SUFU: variants seen among roughly 807,000 people sequenced by gnomAD.
SUFU encodes the protein SUFU negative regulator of hedgehog signaling.
In SUFU, 7 loss-of-function variants were observed where a neutral mutation model predicts 58.9. The ratio of observed to expected loss-of-function variants is 0.12; its 90% CI spans 0.07 to 0.22. The LOEUF (loss-of-function observed/expected upper bound fraction) is 0.22. Ranked by LOEUF, SUFU falls within the 10% of genes least tolerant of loss-of-function variation. The probability of loss-of-function intolerance (pLI) is 1.00; values close to 1 mark genes in which losing one functional copy is unlikely to be tolerated. For missense variants in SUFU, 451 were observed against 641.3 expected, an observed-to-expected ratio of 0.70 and a Z score of 3.20; for synonymous variants, 232 against 254.8, an observed-to-expected ratio of 0.91 and a Z score of 0.85.
At chr10:102,603,417 G>C (rs1471459028) in intron 8 of SUFU, among the ~76,000 whole-genome samples, 2 of 152,162 alleles carry the variant, frequency 1.3e-5, no homozygotes, top group Non-Finnish European at 2.9e-5. Flanking sequence ...TACCACCTGA[G>C]GCTGGGAACT....
In SUFU at chr10:102,631,187, T is replaced by C. The variant is rs2063834268; in HGVS notation, c.*1032T>C. The C allele has an allele frequency of 1.3e-5, 3 of 233,474 alleles. No individual in the cohort carries two copies. Among genetic ancestry groups the C allele is most frequent in the Non-Finnish European group, 1.7e-5 (2 of 118,176 alleles). 14.5% of individuals were successfully genotyped at this position (233,474 alleles called of 1,614,324 possible). Reference sequence around the variant, plus strand: ...CCTGGGCCTCCCAGCCTTCAGGCTGTAGGGCTGCCTTACTAAAATTGAAAA... The same window carrying C: ...CCTGGGCCTCCCAGCCTTCAGGCTGCAGGGCTGCCTTACTAAAATTGAAAA... On this transcript the variant is annotated 3_prime_UTR_variant, in exon 12 of 12. Transcript: ENST00000369902.
intron 6 of SUFU, 107 bp from the exon 7 acceptor site, chr10:102,597,033 C>A: frequency 7.4e-7 from 1 of 1,350,148 alleles, no homozygotes; most frequent in Non-Finnish European, 1.1e-6. Flanking sequence ...CCATGCTCAG[C>A]ACCACAAGGG....
upstream of SUFU, among the ~76,000 whole-genome samples, chr10:102,503,078 C>G (rs1240209460): frequency 6.6e-6 from 1 of 152,136 alleles, no homozygotes; most frequent in Non-Finnish European, 1.5e-5. Context: ...CCCTGCCACT[C>G]CCCCCGACGT....
At chr10:102,603,759 T>A (rs2063536953) in intron 8 of SUFU, among the ~76,000 whole-genome samples, 2 of 152,202 alleles carry the variant, frequency 1.3e-5, no homozygotes. Context: ...TCTCTACTCT[T>A]AGGAGTGTCT....
At chr10:102,591,531 C>A (rs1042221845) in intron 3 of SUFU, 12 of 150,554 alleles carry the variant, frequency 8.0e-5, no homozygotes, top group Admixed American at 8.0e-4. Flanking sequence ...CTCGTGCTCA[C>A]TTCAGCAGCA....
At chr10:102,514,228 T>C (rs2062437388) in intron 2 of SUFU, among the ~76,000 whole-genome samples, 1 of 152,140 alleles carries the variant, frequency 6.6e-6, no homozygotes, top group Admixed American at 6.6e-5. Context: ...CCTCCTATTA[T>C]GATCTTTCCT....
rs1441691192 is a variant in SUFU at position 102,625,718 on chromosome 10, G to A, written c.1297-1457G>A. 6.6e-6 allele frequency among the ~76,000 whole-genome samples: 1 copy of A among 152,212 alleles called. No individual in the cohort carries two copies. Among genetic ancestry groups the A allele is most frequent in the Non-Finnish European group, 1.5e-5 (1 of 68,034 alleles). ...AAGGAGACATGGAGATGAGCAGTTAGCATGCCCGGTATGATGGCGGCTTTT... is the reference window on the plus strand; with the variant it reads ...AAGGAGACATGGAGATGAGCAGTTAACATGCCCGGTATGATGGCGGCTTTT... On this transcript the variant is annotated intron_variant, in intron 10 of 11. Transcript: ENST00000369902. The surrounding 1 kb of genome is among the most constrained non-coding windows in gnomAD (Gnocchi z 4.7).
chr10:102,528,748 A>G (rs2062641273), intron 2 of SUFU, among the ~76,000 whole-genome samples: 1 of 152,110 alleles, frequency 6.6e-6, no homozygotes, highest in Admixed American at 6.5e-5. Flanking sequence ...TGCTGTGGGA[A>G]CATGGTCTTT....
chr10:102,541,906 A>G (rs1590010935), intron 2 of SUFU, among the ~76,000 whole-genome samples: 2 of 114,358 alleles, frequency 1.7e-5, no homozygotes, highest in Admixed American at 1.0e-4. Flanking sequence ...TTTGAGACAG[A>G]GTTTCGCTCT....
At chr10:102,549,836 A>C in intron 2 of SUFU, 134 bp from the exon 3 acceptor site, 2 of 1,182,136 alleles carry the variant, frequency 1.7e-6, no homozygotes, top group Non-Finnish European at 2.5e-6. Flanking sequence ...CAAGGCTCAC[A>C]TCCTGGGATA....
chr10:102,504,408 G>A, intron 1 of SUFU, 74 bp downstream of exon 1: 1 of 1,582,950 alleles, frequency 6.3e-7, no homozygotes, highest in Non-Finnish European at 8.6e-7. Flanking sequence ...GAAGTAATTT[G>A]TGGGAGGTGG....
intron 8 of SUFU, among the ~76,000 whole-genome samples, chr10:102,607,060 A>T (rs1290330017): frequency 2.1e-5 from 3 of 143,928 alleles, no homozygotes; most frequent in African/African-American, 5.2e-5. Flanking sequence ...GGTAAGAGTA[A>T]TTTTTTTTTT....
At chr10:102,551,586 C>G (rs2062915645) in intron 3 of SUFU, among the ~76,000 whole-genome samples, 1 of 150,330 alleles carries the variant, frequency 6.7e-6, no homozygotes, top group Non-Finnish European at 1.5e-5. Flanking sequence ...TACTGTGAGC[C>G]AAGATCGCAC....
chr10:102,521,231 C>T (rs780011660), intron 2 of SUFU, among the ~76,000 whole-genome samples: 5 of 152,116 alleles, frequency 3.3e-5, no homozygotes, highest in Non-Finnish European at 7.3e-5. Flanking sequence ...TGCTGTTGAG[C>T]GTCTTTTCAT....
At chr10:102,502,973 C>T (rs1260129949), upstream of SUFU, among the ~76,000 whole-genome samples, 1 of 152,174 alleles carries the variant, frequency 6.6e-6, no homozygotes, top group East Asian at 1.9e-4. Flanking sequence ...AAGGAGTTCG[C>T]AGTGCATGCT....
chr10:102,573,037 C>G, intron 3 of SUFU: 1 of 926,384 alleles, frequency 1.1e-6, no homozygotes, highest in Non-Finnish European at 1.8e-6. Context: ...CGGGGTTGGT[C>G]TTCTGAGGGT....
At chr10:102,508,318 CTT>C (rs1564656633) in intron 1 of SUFU, among the ~76,000 whole-genome samples, 2 of 152,090 alleles carry the variant, frequency 1.3e-5, no homozygotes, top group Non-Finnish European at 2.9e-5. Flanking sequence ...AAAGGGAACT[CTT>C]ATTGTATTAA....
intron 2 of SUFU, among the ~76,000 whole-genome samples, chr10:102,539,714 A>G (rs1224568921): frequency 6.6e-6 from 1 of 152,154 alleles, no homozygotes; most frequent in Non-Finnish European, 1.5e-5. Context: ...CTCCATATTT[A>G]CTTACTTATT....
At chr10:102,524,576 C>T (rs527776723) in intron 2 of SUFU, among the ~76,000 whole-genome samples, 3 of 152,146 alleles carry the variant, frequency 2.0e-5, no homozygotes, top group Non-Finnish European at 4.4e-5. Flanking sequence ...CTGCCTCAGC[C>T]TCCCAAAGTT....
Sources: allele counts gnomAD v4.1 joint callset (sites outside exome capture counted in the v4.1 genomes callset), GRCh38; gene constraint gnomAD v4.1.1; non-coding constraint Gnocchi (gnomAD v3.1); transcripts MANE v1.5; gene names NCBI Gene and HGNC (gene_info 2026-07-23, HGNC 2026-07-21).